PROS1: variants seen among roughly 807,000 people sequenced by gnomAD.
The protein encoded by PROS1 is vitamin K-dependent protein S.
In PROS1, 29 loss-of-function variants were observed where a neutral mutation model predicts 75.9. That is an observed-to-expected ratio of 0.38 (90% CI 0.28 to 0.52). The LOEUF (loss-of-function observed/expected upper bound fraction) is 0.52. PROS1 is among the 20% of genes least tolerant of loss of function. PROS1 has a pLI of 0.83. For missense variants in PROS1, 680 were observed against 810.3 expected, an observed-to-expected ratio of 0.84 and a Z score of 1.95; for synonymous variants, 245 against 280.6, an observed-to-expected ratio of 0.87 and a Z score of 1.27.
chr3:93,883,162 G>T (rs775788391), intron 12 of PROS1, among the ~76,000 whole-genome samples: 9 of 152,062 alleles, frequency 5.9e-5, no homozygotes, highest in African/African-American at 1.9e-4. Context: ...CCCAACCTCC[G>T]CATCTTCTCT....
intron 1 of PROS1, among the ~76,000 whole-genome samples, chr3:93,942,279 T>A (rs531913961): frequency 2.6e-5 from 4 of 152,110 alleles, no homozygotes; most frequent in Non-Finnish European, 5.9e-5. Context: ...GGACTACACA[T>A]CAGTATTTAT....
At chr3:93,957,505 A>C (rs2107254793) in intron 1 of PROS1, among the ~76,000 whole-genome samples, 1 of 152,380 alleles carries the variant, frequency 6.6e-6, no homozygotes, top group South Asian at 2.1e-4. Flanking sequence ...AAAGGTCTAA[A>C]TTCCAAGGTT....
intron 12 of PROS1, among the ~76,000 whole-genome samples, chr3:93,884,161 A>G (rs1708312453): frequency 6.6e-6 from 1 of 152,224 alleles, no homozygotes; most frequent in Admixed American, 6.5e-5. Context: ...ATCTAAACCA[A>G]AAATTACATG....
chr3:93,887,458 CACTTCAAGTAAA>C (rs1442017831), intron 10 of PROS1, among the ~76,000 whole-genome samples: 1 of 152,168 alleles, frequency 6.6e-6, no homozygotes, highest in East Asian at 1.9e-4. Flanking sequence ...CTGCTGCAAT[CACTTCAAGTAAA>C]ACTATAGCAC....
intron 1 of PROS1, among the ~76,000 whole-genome samples, chr3:93,972,070 T>C (rs1253566054): frequency 3.3e-5 from 5 of 152,164 alleles, no homozygotes; most frequent in Non-Finnish European, 7.4e-5. Flanking sequence ...CCCATATAAT[T>C]TTTACCTCTG....
chr3:93,939,449 C>T (rs1709244945), intron 1 of PROS1, among the ~76,000 whole-genome samples: 1 of 152,120 alleles, frequency 6.6e-6, no homozygotes, highest in African/African-American at 2.4e-5. Context: ...TCAGTTTGCT[C>T]CCCGCCAGGC....
In PROS1 at chr3:93,896,710, A is replaced by G; in HGVS notation, c.850-19T>C. 1 of 1,545,542 alleles carries G rather than the reference A, an allele frequency of 6.5e-7. No homozygotes were observed. The highest frequency in any genetic ancestry group is 1.1e-5 in the South Asian group (1 of 89,550). Reference sequence around the variant, plus strand: ...AAACAACCTGGAATAAAAGAAACCAAATAAACAACAAGAAAATCAAAATGC... The same window carrying G: ...AAACAACCTGGAATAAAAGAAACCAGATAAACAACAAGAAAATCAAAATGC... On this transcript the variant is annotated intron_variant, in intron 8 of 14. Transcript: ENST00000394236.
chr3:93,890,297 C>A (rs1287103755), intron 10 of PROS1, among the ~76,000 whole-genome samples: 1 of 152,178 alleles, frequency 6.6e-6, no homozygotes, highest in Non-Finnish European at 1.5e-5. Flanking sequence ...TGAACATAGA[C>A]CCTTATCAAT....
At chr3:93,907,098 G>T (rs1489095428) in intron 4 of PROS1, among the ~76,000 whole-genome samples, 1 of 152,208 alleles carries the variant, frequency 6.6e-6, no homozygotes, top group Non-Finnish European at 1.5e-5. Context: ...GCTGGGGAAG[G>T]CCTGAGGCCT....
intron 2 of PROS1, among the ~76,000 whole-genome samples, chr3:93,926,723 A>T (rs139235797): frequency 1.3e-5 from 2 of 152,374 alleles, no homozygotes; most frequent in East Asian, 1.9e-4. Context: ...GCGCGCGCAC[A>T]CGCACACACA....
rs560229577 is a variant in PROS1, at chr3:93,945,113, T to C, written c.77-17706A>G. On this transcript the variant is annotated intron_variant, in intron 1 of 14. Transcript: ENST00000394236. ...ACACATGCACCCTCCCAAGAAGAAG[T>C]TGAATCTCTGAATAGAAGAATAACA... Among the ~76,000 whole-genome samples, 6 of 151,768 alleles carry C rather than the reference T, an allele frequency of 4.0e-5. No homozygotes were observed. The East Asian group carries it at 1.2e-3, about 30-fold the overall frequency.
At chr3:93,972,649 GC>G (rs1709896273) in intron 1 of PROS1, among the ~76,000 whole-genome samples, 1 of 150,452 alleles carries the variant, frequency 6.6e-6, no homozygotes, top group Non-Finnish European at 1.5e-5. Context: ...GACCAGCCTG[GC>G]CAACATGGTG....
At chr3:93,905,936 A>G (rs201783540) in intron 5 of PROS1, 21 bp from the exon 6 acceptor site, 6 of 1,611,830 alleles carry the variant, frequency 3.7e-6, no homozygotes, top group African/African-American at 1.3e-5. Flanking sequence ...AAAAAAATAA[A>G]TTATTTTTAA....
At chr3:93,969,121 TC>T (rs372188131) in intron 1 of PROS1, among the ~76,000 whole-genome samples, 14 of 148,518 alleles carry the variant, frequency 9.4e-5, no homozygotes, top group Admixed American at 1.3e-4. Context: ...GCTTTTGTTT[TC>T]TTTTTTTTTT....
In PROS1 at chr3:93,924,240, CTAAG is replaced by C; in HGVS notation, c.255_258del (p.Tyr85Ter). ...TATAATTGAGATGTTTTGAACTTAC[CTAAG>C]TATTTTGGATAAAAATAATCCTAGA... On this transcript the variant is annotated frameshift_variant and splice_region_variant, in exon 3 of 15. Transcript: ENST00000394236. LOFTEE classifies it high-confidence loss of function. 7.7e-7 allele frequency: 1 copy of C among 1,299,640 alleles called. No homozygotes were observed. The highest frequency in any genetic ancestry group is 1.1e-6 in the Non-Finnish European group (1 of 951,720). The allele number at this position is 1,299,640 out of a possible 1,614,324, so 80.5% of individuals were successfully genotyped here.
At chr3:93,934,307 A>G (rs576536468) in intron 1 of PROS1, among the ~76,000 whole-genome samples, 1 of 152,366 alleles carries the variant, frequency 6.6e-6, no homozygotes, top group Admixed American at 6.5e-5. Flanking sequence ...TATTTTTCAT[A>G]AAGATTTCTA....
chr3:93,916,742 G>A, intron 3 of PROS1, among the ~76,000 whole-genome samples: 1 of 152,290 alleles, frequency 6.6e-6, no homozygotes, highest in South Asian at 2.1e-4. Flanking sequence ...CTAAGAAACA[G>A]ACCCTTTCAA....
rs758625995 is a variant in PROS1 at position 93,905,889 on chromosome 3, T to G, written c.496A>C (p.Asn166His). 110 of 1,612,836 alleles carry G rather than the reference T, an allele frequency of 6.8e-5. 1 individual carries two copies. The highest frequency in any genetic ancestry group is 5.3e-5 in the Non-Finnish European group (63 of 1,178,992). Residue 166 changes from asparagine to histidine, a missense_variant, in exon 6 of 15, where the codon AAT becomes CAT. Physicochemically the swap from Asn to His is moderately conservative, Grantham distance 68 (BLOSUM62 1). Transcript: ENST00000394236. The stretch of plus-strand genomic sequence containing the variant: ...ATTTGACTGCAACCTCCATTTATAT[T>G]TGAGGGATCTTTGCATTCATTTATG... ...FDINECKDPSNINGGCSQICD... is the reference protein window; with the variant it reads ...FDINECKDPSHINGGCSQICD...
chr3:93,973,795 C>T lies in PROS1; in HGVS notation c.-46G>A. 2.6e-6 allele frequency: 4 copies of T among 1,547,334 alleles called. No individual in the cohort carries two copies. The highest frequency in any genetic ancestry group is 3.5e-6 in the Non-Finnish European group (4 of 1,134,182). On this transcript the variant is annotated 5_prime_UTR_variant, in exon 1 of 15. Coordinates refer to ENST00000394236, the MANE Select transcript of PROS1 (RefSeq NM_000313.4). ...CGGCAGGGACGGTGGCGCGTCGCGG[C>T]GGGGACCGGAGCGCTAGGCGCCGCG...
Sources: allele counts gnomAD v4.1 joint callset (sites outside exome capture counted in the v4.1 genomes callset), GRCh38; gene constraint gnomAD v4.1.1; transcripts MANE v1.5; gene names NCBI Gene and HGNC (gene_info 2026-07-23, HGNC 2026-07-21).